OPA1: variants seen among roughly 807,000 people sequenced by gnomAD.
OPA1 encodes the protein OPA1 mitochondrial dynamin like GTPase.
Under a neutral mutation model 152.9 loss-of-function variants are expected in OPA1, and 59 were observed. The observed-to-expected ratio is 0.39, with a 90% confidence interval of 0.31 to 0.48. The LOEUF (loss-of-function observed/expected upper bound fraction) is 0.48, where lower values mean the gene tolerates loss of function less well. Ranked by LOEUF, OPA1 falls within the 20% of genes least tolerant of loss-of-function variation. The pLI is 0.96. For synonymous variants in OPA1, 400 were observed against 389.9 expected (o/e 1.03, Z -0.31); for missense variants, 1,008 against 1,216.8 (o/e 0.83, Z 2.55).
intron 15 of OPA1, 114 bp from the exon 16 acceptor site, chr3:193,643,861 T>C (rs1427368398): frequency 2.6e-5 from 30 of 1,148,920 alleles, no homozygotes; most frequent in Non-Finnish European, 3.5e-5. Context: ...ATAACGTAAA[T>C]GTATTAAAAT....
At chr3:193,681,032 G>A (rs575693190) in intron 29 of OPA1, among the ~76,000 whole-genome samples, 1 of 152,150 alleles carries the variant, frequency 6.6e-6, no homozygotes, top group Non-Finnish European at 1.5e-5. Context: ...CATTTAAAAA[G>A]ATGATCATAA....
At chr3:193,663,490 G>A (rs868036165) in intron 26 of OPA1, among the ~76,000 whole-genome samples, 52 of 152,072 alleles carry the variant, frequency 3.4e-4, no homozygotes, top group African/African-American at 1.1e-3. Context: ...GCTACTTTTT[G>A]CTTACCTTCA....
chr3:193,626,048 C>T (rs771604930), intron 6 of OPA1, 44 bp from the exon 7 acceptor site: 3 of 1,433,616 alleles, frequency 2.1e-6, no homozygotes, highest in Non-Finnish European at 3.0e-6. Context: ...TAACATTATT[C>T]TCCTCCCCAA....
chr3:193,616,032 T>A (rs1490350066), intron 3 of OPA1, among the ~76,000 whole-genome samples: 29 of 152,158 alleles, frequency 1.9e-4, no homozygotes. Flanking sequence ...AACTTATCGA[T>A]TGAGACAGGA....
chr3:193,622,862 A>G (rs1730397540), intron 6 of OPA1, among the ~76,000 whole-genome samples: 1 of 152,304 alleles, frequency 6.6e-6, no homozygotes, highest in African/African-American at 2.4e-5. Flanking sequence ...AAGTAAATAA[A>G]TCTGGTTGAT....
chr3:193,596,706 C>T (rs982326794), intron 1 of OPA1: 2 of 152,088 alleles, frequency 1.3e-5, no homozygotes, highest in African/African-American at 4.8e-5. Context: ...ACAAGGAGTA[C>T]GCCTTAGCAT....
intron 1 of OPA1, among the ~76,000 whole-genome samples, chr3:193,607,421 T>C (rs1428714026): frequency 2.6e-5 from 4 of 152,140 alleles, no homozygotes; most frequent in South Asian, 2.1e-4. Flanking sequence ...GTCTTTAATC[T>C]ATCTTGAATT....
chr3:193,690,603 A>G (rs555081756), intron 29 of OPA1, among the ~76,000 whole-genome samples: 2 of 152,252 alleles, frequency 1.3e-5, no homozygotes, highest in Middle Eastern at 3.4e-3. Flanking sequence ...AGTTCCTGCA[A>G]TGCTAATAAG....
rs779722414 is a variant in OPA1, at chr3:193,644,088, G to A, written c.1591G>A (p.Val531Ile). Residue 531 changes from valine to isoleucine, a missense_variant, in exon 16 of 31, where the codon GTA (valine) becomes ATA (isoleucine). Coordinates refer to ENST00000361510, the MANE Select transcript of OPA1 (RefSeq NM_130837.3). ...LTKVDLAEKN[V>I]ASPSRIQQII... ...CAAAGTAGACCTGGCAGAGAAAAAT[G>A]TAGCCAGTCCAAGCAGGGTGAGGTC... The A allele has an allele frequency of 6.8e-6, 11 of 1,613,482 alleles. No individual in the cohort carries two copies.
chr3:193,669,503 T>C (rs1030385886), intron 29 of OPA1, among the ~76,000 whole-genome samples: 2 of 152,196 alleles, frequency 1.3e-5, no homozygotes, highest in African/African-American at 4.8e-5. Context: ...GCTTCTTTAT[T>C]TGTAAAATGA....
In OPA1 at chr3:193,628,803, A is replaced by C. The variant is rs572875009; in HGVS notation, c.789+2601A>C. On this transcript the variant is annotated intron_variant, in intron 7 of 30. Transcript: ENST00000361510. ...TGTTATTCTCTTAAGAAAATATATA[A>C]AAATTATCATCTCATCAATCTTTAA... 4.4e-4 allele frequency among the ~76,000 whole-genome samples: 67 copies of C among 152,322 alleles called. No homozygotes were observed. In the South Asian group the frequency reaches 0.012, roughly 28 times the overall value.
At chr3:193,632,193 C>T (rs915553462) in intron 8 of OPA1, among the ~76,000 whole-genome samples, 37 of 152,172 alleles carry the variant, frequency 2.4e-4, no homozygotes, top group African/African-American at 8.2e-4. Context: ...CAAAATTACC[C>T]TATCACAGCC....
At chr3:193,648,425 T>A in intron 20 of OPA1, 1 of 387,948 alleles carries the variant, frequency 2.6e-6, no homozygotes, top group East Asian at 5.4e-5. Flanking sequence ...ATTCCTGTAA[T>A]TTAGTGGGAA....
chr3:193,609,662 C>T (rs1219314571), intron 1 of OPA1, among the ~76,000 whole-genome samples: 3 of 152,322 alleles, frequency 2.0e-5, no homozygotes, highest in African/African-American at 7.2e-5. Flanking sequence ...CTTCCCGTCA[C>T]TTTCAGGTAC....
At chr3:193,599,940 C>T (rs1419511719) in intron 1 of OPA1, among the ~76,000 whole-genome samples, 1 of 152,148 alleles carries the variant, frequency 6.6e-6, no homozygotes, top group Non-Finnish European at 1.5e-5. Flanking sequence ...GGTTACAGCT[C>T]GGCGTTTGCC....
chr3:193,620,850 C>T (rs1577176346), intron 6 of OPA1, among the ~76,000 whole-genome samples: 1 of 152,172 alleles, frequency 6.6e-6, no homozygotes, highest in Non-Finnish European at 1.5e-5. Context: ...AGTCACTCAG[C>T]TAAACTGAGT....
rs1222884974 is a variant in OPA1 at position 193,695,957 on chromosome 3, T to G, written c.*1357T>G. 6.6e-6 allele frequency: 1 copy of G among 152,232 alleles called. No homozygotes were observed. The allele number at this position is 152,232 out of a possible 1,614,324, so 9.4% of individuals were successfully genotyped here. ...CCAGGAATTCAATGTATGTTTGTTT[T>G]ATACTGTTTGATAAGAAAAGTAGGT... On this transcript the variant is annotated 3_prime_UTR_variant, in exon 31 of 31. Transcript: ENST00000361510.
intron 4 of OPA1, 23 bp downstream of exon 4, chr3:193,617,308 T>C: frequency 2.8e-6 from 4 of 1,425,080 alleles, no homozygotes. Flanking sequence ...CTGTTTGATC[T>C]AATTTAAAAA....
intron 26 of OPA1, 39 bp downstream of exon 26, chr3:193,663,001 A>G: frequency 6.2e-7 from 1 of 1,604,444 alleles, no homozygotes; most frequent in Non-Finnish European, 8.5e-7. Flanking sequence ...CTGCTTCCTT[A>G]ATATTTGTTT....
Sources: gnomAD v4.1 joint callset for allele counts (sites outside exome capture counted in the v4.1 genomes callset) on GRCh38, gnomAD v4.1.1 for gene constraint, MANE v1.5 for transcripts, NCBI Gene and HGNC (gene_info 2026-07-23, HGNC 2026-07-21) for gene names.